Variants in DAW1 observed in about 807,000 individuals in gnomAD.
DAW1 encodes dynein assembly factor with WD repeat domains 1.
Under a neutral mutation model 56.5 loss-of-function variants are expected in DAW1, and 47 were observed. The observed-to-expected ratio is 0.83, with a 90% CI of 0.66 to 1.06. The LOEUF is 1.06. Among genes scored for constraint, DAW1 ranks in the 50% least tolerant of loss-of-function variants. DAW1 has a pLI of 0.00. For missense variants in DAW1, 505 were observed against 499.3 expected, an observed-to-expected ratio of 1.01 and a Z score of -0.11; for synonymous variants, 190 against 179.0, an observed-to-expected ratio of 1.06 and a Z score of -0.49.
intron 1 of DAW1, chr2:227,876,580 A>G (rs1460532017): frequency 1.7e-6 from 2 of 1,149,406 alleles, no homozygotes; most frequent in Non-Finnish European, 2.3e-6. Flanking sequence ...TTCTGCATAT[A>G]GAGCAGTTTT....
At chr2:227,919,686 A>C (rs1692059167) in intron 11 of DAW1, among the ~76,000 whole-genome samples, 3 of 152,208 alleles carry the variant, frequency 2.0e-5, no homozygotes, top group Admixed American at 1.3e-4. Flanking sequence ...AGGATCATTC[A>C]CGGAGCAGGC....
intron 5 of DAW1, 79 bp from the exon 6 acceptor site, chr2:227,898,103 G>A (rs1691456508): frequency 2.3e-6 from 2 of 861,228 alleles, no homozygotes; most frequent in South Asian, 3.3e-5. Flanking sequence ...TTTTACTCAT[G>A]TATTAATATC....
chr2:227,889,926 C>G lies in DAW1; in HGVS notation c.184C>G (p.Gln62Glu). 1 of 1,609,724 alleles carries G rather than the reference C, an allele frequency of 6.2e-7. No individual in the cohort carries two copies. Among genetic ancestry groups the G allele is most frequent in the South Asian group, 1.1e-5 (1 of 90,212 alleles). ...TCTACTCACAGCTTCACGAACAGAG[C>G]AAGTCAAACTTTTGATACAGAGGTT... is the stretch of plus-strand genomic sequence containing the variant. ...EPLLTASRTE[Q>E]VKLLIQRLQE... Residue 62 changes from glutamine (Q) to glutamate (E), a missense_variant, in exon 3 of 13, where the codon CAA (glutamine) becomes GAA (glutamate). Physicochemically the swap from Gln to Glu is conservative, Grantham distance 29. Transcript: ENST00000309931.
chr2:227,923,782 C>A, intron 12 of DAW1, 152 bp from the exon 13 acceptor site: 1 of 800,638 alleles, frequency 1.2e-6, no homozygotes, highest in Non-Finnish European at 2.0e-6. Flanking sequence ...AATGCCTGAG[C>A]TGCTCAGAGA....
chr2:227,890,190 T>G (rs1691230123), intron 3 of DAW1, among the ~76,000 whole-genome samples, 190 bp downstream of exon 3: 2 of 152,366 alleles, frequency 1.3e-5, no homozygotes, highest in African/African-American at 4.8e-5. Flanking sequence ...TCCAAAACAC[T>G]TATTCCTTGA....
chr2:227,899,869 A>G (rs1341345947), intron 6 of DAW1, among the ~76,000 whole-genome samples: 1 of 152,246 alleles, frequency 6.6e-6, no homozygotes, highest in Non-Finnish European at 1.5e-5. Context: ...GGATAAGGAA[A>G]GTACCTGGAG....
At chr2:227,921,184 A>G (rs550751108) in intron 11 of DAW1, among the ~76,000 whole-genome samples, 12 of 151,156 alleles carry the variant, frequency 7.9e-5, no homozygotes, top group Non-Finnish European at 1.0e-4. Context: ...AGGCAATTAC[A>G]TTTTCTCTCT....
chr2:227,918,842 G>C lies in DAW1; in HGVS notation c.1036G>C (p.Gly346Arg). 1.2e-6 allele frequency: 2 copies of C among 1,614,004 alleles called. No homozygotes were observed. The highest frequency in any genetic ancestry group is 1.7e-6 in the Non-Finnish European group (2 of 1,180,006). The stretch of plus-strand genomic sequence containing the variant: ...CATTGCCAAACTGGAAGGTCATGAA[G>C]GTGAAATTTCAAAGGTGAGTCGCTT... ...KCIAKLEGHE[G>R]EISKISFNPQ... Residue 346 changes from glycine (G) to arginine (R), a missense_variant, in exon 11 of 13, where the codon GGT (glycine) becomes CGT (arginine). Transcript: ENST00000309931.
intron 6 of DAW1, among the ~76,000 whole-genome samples, chr2:227,900,199 C>T (rs1161815061): frequency 6.6e-6 from 1 of 152,152 alleles, no homozygotes; most frequent in Non-Finnish European, 1.5e-5. Flanking sequence ...GAGTAGGGTA[C>T]TGAGGCATTG....
Position 227,893,834 on chromosome 2 carries a change from G to A in DAW1, c.357G>A (p.Trp119Ter), listed in dbSNP as rs2106197058. ...GCTATGATCGGACGTGCAAGCTCTG[G>A]GACACTGCGTCTGGAGAGGAGCTGA... ...TGSYDRTCKL[W>*]DTASGEELNT... is the part of the protein sequence containing the mutation. The change falls in exon 5 of 13, where the codon TGG becomes TGA. Residue 119 changes from tryptophan (W) to a stop codon, truncating the protein, a stop_gained. Transcript: ENST00000309931. LOFTEE classifies it high-confidence loss of function. The A allele has an allele frequency of 1.2e-6, 2 of 1,613,844 alleles. No individual in the cohort carries two copies. Among genetic ancestry groups the A allele is most frequent in the Non-Finnish European group, 1.7e-6 (2 of 1,179,888 alleles).
intron 9 of DAW1, 108 bp downstream of exon 9, chr2:227,906,446 A>T (rs573636424): frequency 2.5e-6 from 2 of 791,854 alleles, no homozygotes; most frequent in Non-Finnish European, 3.5e-6. Context: ...TAAAATTAAG[A>T]TATTAATTTA....
In DAW1 at chr2:227,924,090, T is replaced by C; in HGVS notation, c.*122T>C. 1 of 1,160,774 alleles carries C rather than the reference T, an allele frequency of 8.6e-7. No homozygotes were observed. The highest frequency in any genetic ancestry group is 1.3e-5 in the South Asian group (1 of 74,582). The allele number at this position is 1,160,774 out of a possible 1,614,324, so 71.9% of individuals were successfully genotyped here. ...TCTTTTTCTGCAAGTCAACTATTTC[T>C]ACAACTGTCCTTCATTTCACAGATA... On this transcript the variant is annotated 3_prime_UTR_variant, in exon 13 of 13. Transcript: ENST00000309931.
In DAW1 at chr2:227,871,664, T is replaced by A. The variant is rs1559299238; in HGVS notation, c.-26T>A. 3.1e-6 allele frequency: 5 copies of A among 1,611,834 alleles called. No individual in the cohort carries two copies. The highest frequency in any genetic ancestry group is 3.4e-6 in the Non-Finnish European group (4 of 1,178,998). On this transcript the variant is annotated 5_prime_UTR_variant, in exon 1 of 13. Coordinates refer to ENST00000309931, the MANE Select transcript of DAW1 (RefSeq NM_178821.3). ...GCCGTTTCCAAGGCTACGAAGCCCATCGGCCGGGGATAAGAGAGCAAGAAA... is the reference window on the plus strand; with the variant it reads ...GCCGTTTCCAAGGCTACGAAGCCCAACGGCCGGGGATAAGAGAGCAAGAAA...
At chr2:227,879,428 T>G (rs12469193) in intron 1 of DAW1, among the ~76,000 whole-genome samples, 73,390 of 151,910 alleles carry the variant, frequency 0.48, 17,944 homozygotes, top group Admixed American at 0.58. Context: ...ATCATTTTTG[T>G]AGTTCTTTAT....
At position 227,873,861 on chromosome 2, in the gene DAW1, A is replaced by G. The variant is rs551050788; in HGVS notation, c.40+2132A>G. Among the ~76,000 whole-genome samples, 411 of 152,192 alleles carry G rather than the reference A, an allele frequency of 2.7e-3. 1 individual carries two copies. Among genetic ancestry groups the G allele is most frequent in the African/African-American group, 9.3e-3 (386 of 41,534 alleles). ...AAGCCCAGCTAATTTTTGTATTTTTAGCAGAGACGGGGTTTCACCATGTTG... is the reference window on the plus strand; with the variant it reads ...AAGCCCAGCTAATTTTTGTATTTTTGGCAGAGACGGGGTTTCACCATGTTG... On this transcript the variant is annotated intron_variant, in intron 1 of 12. Coordinates refer to ENST00000309931, the MANE Select transcript of DAW1 (RefSeq NM_178821.3).
Position 227,871,722 on chromosome 2 carries a change from C to G in DAW1, c.33C>G (p.Tyr11Ter). The part of the protein sequence containing the change: MKLKSLLLRY[Y>*]PPGIMLEYEK... ...TCAAGAGCCTCCTGCTCCGGTATTA[C>G]CCGCCAGGTACGCACCAGCCCGGCC... is the stretch of plus-strand genomic sequence containing the variant. The change falls in exon 1 of 13, where the codon TAC becomes TAG. Residue 11 changes from tyrosine to a stop codon, truncating the protein, a stop_gained. Coordinates refer to ENST00000309931, the MANE Select transcript of DAW1 (RefSeq NM_178821.3). LOFTEE classifies it high-confidence loss of function. The G allele has an allele frequency of 6.2e-7, 1 of 1,613,974 alleles. No homozygotes were observed.
rs751299378 is a variant in DAW1, at chr2:227,918,809, A to G, written c.1003A>G (p.Arg335Gly). 17 of 1,614,204 alleles carry G rather than the reference A, an allele frequency of 1.1e-5. No homozygotes were observed. In the South Asian group the frequency reaches 1.8e-4, roughly 17 times the overall value. Residue 335 changes from arginine (R) to glycine (G), a missense_variant, in exon 11 of 13, where the codon AGA (arginine) becomes GGA (glycine). Physicochemically the swap from Arg to Gly is moderately radical, Grantham distance 125. Coordinates refer to ENST00000309931, the MANE Select transcript of DAW1 (RefSeq NM_178821.3). The stretch of plus-strand genomic sequence containing the variant: ...AGCAAGAATTTTCAGTGCTGCCACA[A>G]GAAAATGCATTGCCAAACTGGAAGG... ...GTARIFSAAT[R>G]KCIAKLEGHE...
chr2:227,892,650 T>TA (rs1691292315), intron 4 of DAW1, among the ~76,000 whole-genome samples: 1 of 152,028 alleles, frequency 6.6e-6, no homozygotes. Context: ...AGAAGGAAAA[T>TA]ACCTAGGAGA....
intron 1 of DAW1, chr2:227,876,515 A>G (rs1690886141): frequency 7.7e-7 from 1 of 1,299,674 alleles, no homozygotes; most frequent in Non-Finnish European, 1.0e-6. Context: ...CAATAATAGC[A>G]TTATCAGATA....
Sources: allele counts gnomAD v4.1 joint callset (sites outside exome capture counted in the v4.1 genomes callset), GRCh38; gene constraint gnomAD v4.1.1; transcripts MANE v1.5; gene names NCBI Gene and HGNC (gene_info 2026-07-23, HGNC 2026-07-21).